The following RIC1 variants were observed in gnomAD, a reference collection of about 807,000 sequenced individuals.
RIC1 encodes guanine nucleotide exchange factor subunit RIC1.
Under a neutral mutation model 169.0 loss-of-function variants are expected in RIC1, and 88 were observed. That is an observed-to-expected ratio of 0.52 (90% confidence interval 0.44 to 0.62). RIC1 has a LOEUF of 0.62. Among genes scored for constraint, RIC1 ranks in the 20% least tolerant of loss-of-function variants. RIC1 has a pLI of 0.00. For synonymous variants in RIC1, 790 were observed against 601.5 expected (o/e 1.31, Z -4.59); for missense variants, 1,877 against 1,725.5 (o/e 1.09, Z -1.56).
rs935887607 is a variant in RIC1 at position 5,767,264 on chromosome 9, G to A, written c.3137+1466G>A. Among the ~76,000 whole-genome samples, 8 of 152,098 alleles carry A rather than the reference G, an allele frequency of 5.3e-5. 1 individual carries two copies. The highest frequency in any genetic ancestry group is 5.2e-4 in the Admixed American group (8 of 15,272). On this transcript the variant is annotated intron_variant, in intron 21 of 25. Coordinates refer to ENST00000414202, the MANE Select transcript of RIC1 (RefSeq NM_020829.4). ...TGATTAGAGAAGTTATTACACAGTC[G>A]GGGAGCCAAATGAATTGTATGCTGG... is the stretch of plus-strand genomic sequence containing the variant.
intron 21 of RIC1, among the ~76,000 whole-genome samples, chr9:5,766,285 C>T (rs773469155): frequency 1.3e-5 from 2 of 152,324 alleles, no homozygotes; most frequent in Non-Finnish European, 2.9e-5. Flanking sequence ...CAAGGATCCA[C>T]CTGCCTCTGC....
At chr9:5,692,447 A>G (rs565063548) in intron 3 of RIC1, among the ~76,000 whole-genome samples, 1 of 152,158 alleles carries the variant, frequency 6.6e-6, no homozygotes, top group East Asian at 1.9e-4. Context: ...TGTTTACTTC[A>G]TTTCTAAGCT....
intron 4 of RIC1, among the ~76,000 whole-genome samples, chr9:5,718,004 G>A (rs1217297674): frequency 1.3e-5 from 2 of 151,436 alleles, no homozygotes; most frequent in East Asian, 3.9e-4. Context: ...GCTGGGCATG[G>A]TGGCGTGCGC....
At position 5,775,519 on chromosome 9, in the gene RIC1, T is replaced by TTTTTATAATAACGATGTA. The variant is rs1381311478; in HGVS notation, c.*1277_*1294dup. The TTTTTATAATAACGATGTA allele has an allele frequency of 5.9e-5, 9 of 152,218 alleles. No individual in the cohort carries two copies. Among genetic ancestry groups the TTTTTATAATAACGATGTA allele is most frequent in the African/African-American group, 1.9e-4 (8 of 41,464 alleles). The allele number at this position is 152,218 out of a possible 1,614,324, so 9.4% of individuals were successfully genotyped here. ...TTTTTACAAAAAACAAACTTGTTTA[T>TTTTTATAATAACGATGTA]TTTTATAATAACGATGTATTTGATG... is the stretch of plus-strand genomic sequence containing the variant. On this transcript the variant is annotated 3_prime_UTR_variant, in exon 26 of 26. Coordinates refer to ENST00000414202, the MANE Select transcript of RIC1 (RefSeq NM_020829.4).
rs1198232901 is a variant in RIC1, at chr9:5,772,717, C to G, written c.3770C>G (p.Pro1257Arg). 12 of 1,608,016 alleles carry G rather than the reference C, an allele frequency of 7.5e-6. No homozygotes were observed. The highest frequency in any genetic ancestry group is 1.7e-5 in the Admixed American group (1 of 58,432). ...HISMELASKG[P>R]HKSQVQLRYL... ...TCCATGGAGTTGGCCAGTAAAGGGCCTCATAAATCCCAGGTCCAGCTTCGG... is the reference window on the plus strand; with the variant it reads ...TCCATGGAGTTGGCCAGTAAAGGGCGTCATAAATCCCAGGTCCAGCTTCGG... The change falls in exon 24 of 26, where the codon CCT (proline) becomes CGT (arginine). Residue 1257 changes from proline to arginine, a missense_variant. Transcript: ENST00000414202.
intron 25 of RIC1, 100 bp downstream of exon 25, chr9:5,773,180 A>C (rs1353834591): frequency 6.6e-6 from 3 of 452,040 alleles, no homozygotes; most frequent in Non-Finnish European, 1.1e-5. Flanking sequence ...GTTACATTTT[A>C]TTTATTTATT....
chr9:5,670,857 G>C (rs1820048029), intron 2 of RIC1, among the ~76,000 whole-genome samples: 1 of 152,126 alleles, frequency 6.6e-6, no homozygotes, highest in African/African-American at 2.4e-5. Flanking sequence ...TAGTTTGGTG[G>C]GGCAGGGAAT....
chr9:5,749,534 G>A (rs777263551), intron 12 of RIC1, among the ~76,000 whole-genome samples: 9 of 152,014 alleles, frequency 5.9e-5, no homozygotes, highest in African/African-American at 1.4e-4. Context: ...TGATTTATTC[G>A]TTGTATGTAT....
intron 4 of RIC1, among the ~76,000 whole-genome samples, chr9:5,718,592 A>T (rs1448401165): frequency 6.6e-6 from 1 of 152,246 alleles, no homozygotes; most frequent in Admixed American, 6.5e-5. Context: ...CTCAAAAGTA[A>T]TTCAGATTTC....
At chr9:5,714,739 C>A (rs889033716) in intron 4 of RIC1, among the ~76,000 whole-genome samples, 1 of 152,102 alleles carries the variant, frequency 6.6e-6, no homozygotes, top group African/African-American at 2.4e-5. Context: ...GATGAGGTAT[C>A]TCCATCTTGT....
At chr9:5,635,362 T>C (rs1198818671) in intron 1 of RIC1, among the ~76,000 whole-genome samples, 1 of 152,170 alleles carries the variant, frequency 6.6e-6, no homozygotes, top group African/African-American at 2.4e-5. Context: ...GTTGATAGTG[T>C]AAGATAAGGG....
intron 23 of RIC1, among the ~76,000 whole-genome samples, chr9:5,770,720 G>T (rs898137036): frequency 1.3e-5 from 2 of 152,030 alleles, no homozygotes; most frequent in Non-Finnish European, 2.9e-5. Context: ...AATAAAAATT[G>T]TGGACATTTG....
At chr9:5,643,676 T>A (rs1010592742) in intron 1 of RIC1, among the ~76,000 whole-genome samples, 2 of 152,204 alleles carry the variant, frequency 1.3e-5, no homozygotes, top group Non-Finnish European at 1.5e-5. Context: ...GAAAAAAGAT[T>A]TTTTTCCTAT....
At position 5,748,464 on chromosome 9, in the gene RIC1, TAATA is replaced by T. The variant is rs567507203; in HGVS notation, c.1452+963_1452+966del. On this transcript the variant is annotated intron_variant, in intron 12 of 25. Transcript: ENST00000414202. ...AAAAGAAAATGAACTTAACTTACAT[TAATA>T]AATTCATAGAATCAAACAATGTACA... 1.3e-3 allele frequency: 191 copies of T among 152,766 alleles called. 1 individual carries two copies. The highest frequency in any genetic ancestry group is 4.5e-3 in the African/African-American group (187 of 41,574). The allele number at this position is 152,766 out of a possible 1,614,324, so 9.5% of individuals were successfully genotyped here.
intron 15 of RIC1, among the ~76,000 whole-genome samples, chr9:5,755,422 T>C (rs1339186823): frequency 1.3e-5 from 2 of 152,214 alleles, no homozygotes; most frequent in Non-Finnish European, 2.9e-5. Flanking sequence ...TGACTAATAA[T>C]AAAACAATTA....
chr9:5,696,397 C>G (rs577989955), intron 3 of RIC1, among the ~76,000 whole-genome samples: 1 of 152,236 alleles, frequency 6.6e-6, no homozygotes, highest in Non-Finnish European at 1.5e-5. Context: ...TTCAGTATGA[C>G]TCCCCTGCTA....
chr9:5,741,613 T>C (rs1269550554), intron 8 of RIC1, among the ~76,000 whole-genome samples: 2 of 152,200 alleles, frequency 1.3e-5, no homozygotes, highest in African/African-American at 2.4e-5. Flanking sequence ...ATTTCAGTTA[T>C]TGTATTTTTT....
Position 5,765,689 on chromosome 9 carries a change from T to C in RIC1, c.3028T>C (p.Phe1010Leu). The C allele has an allele frequency of 6.2e-7, 1 of 1,614,116 alleles. No individual in the cohort carries two copies. Among genetic ancestry groups the C allele is most frequent in the Non-Finnish European group, 8.5e-7 (1 of 1,180,002 alleles). ...QEPSSSGGFE[F>L]FRNRSISLSQ... Reference sequence around the variant, plus strand: ...ACCCAGTTCAAGTGGTGGATTTGAGTTCTTCAGGAATCGAAGCATCAGTTT... The same window carrying C: ...ACCCAGTTCAAGTGGTGGATTTGAGCTCTTCAGGAATCGAAGCATCAGTTT... The change falls in exon 21 of 26, where the codon TTC becomes CTC. Residue 1010 changes from phenylalanine (F) to leucine (L), a missense_variant. Physicochemically the swap from Phe to Leu is conservative, Grantham distance 22 (BLOSUM62 0). Transcript: ENST00000414202.
Position 5,774,135 on chromosome 9 carries a change from C to G in RIC1, c.4161C>G (p.Pro1387=). 7 of 1,614,044 alleles carry G rather than the reference C, an allele frequency of 4.3e-6. No homozygotes were observed. The highest frequency in any genetic ancestry group is 5.9e-6 in the Non-Finnish European group (7 of 1,179,976). ...SRGSSSHGSI[P]QGEVGSSNMV... is the part of the protein sequence containing the mutation. ...GCTCCTCCAGCCATGGAAGCATCCC[C>G]CAGGGTGAAGTTGGAAGCAGCAATA... Residue 1387 remains proline, a synonymous_variant, in exon 26 of 26, where the codon CCC becomes CCG. Coordinates refer to ENST00000414202, the MANE Select transcript of RIC1 (RefSeq NM_020829.4).
Sources: gnomAD v4.1 joint callset for allele counts (sites outside exome capture counted in the v4.1 genomes callset) on GRCh38, gnomAD v4.1.1 for gene constraint, MANE v1.5 for transcripts, NCBI Gene and HGNC (gene_info 2026-07-23, HGNC 2026-07-21) for gene names.